Variants in CCDC192 observed in about 807,000 individuals in gnomAD.
The protein encoded by CCDC192 is coiled-coil domain-containing protein 192.
intron 3 of CCDC192, among the ~76,000 whole-genome samples, chr5:127,775,337 T>C (rs1167639951): frequency 1.3e-5 from 2 of 152,198 alleles, no homozygotes; most frequent in African/African-American, 4.8e-5. Context: ...AGCCCCTATG[T>C]TCCAGAGTTT....
At chr5:127,885,438 AC>A (rs1368229424) in intron 6 of CCDC192, among the ~76,000 whole-genome samples, 1 of 152,228 alleles carries the variant, frequency 6.6e-6, no homozygotes, top group African/African-American at 2.4e-5. Flanking sequence ...GGGGTTGCAA[AC>A]AATTGGCAGC....
At chr5:127,796,343 C>A (rs1017424748) in intron 3 of CCDC192, among the ~76,000 whole-genome samples, 2 of 152,110 alleles carry the variant, frequency 1.3e-5, no homozygotes. Flanking sequence ...TCAGAGAATG[C>A]CCTGGGAGTT....
At chr5:127,760,790 T>G (rs141845543) in intron 3 of CCDC192, among the ~76,000 whole-genome samples, 1 of 147,640 alleles carries the variant, frequency 6.8e-6, no homozygotes, top group East Asian at 2.0e-4. Flanking sequence ...TTTGCAGAGA[T>G]AATCTCAGCA....
chr5:127,884,722 CA>C (rs2127148754), intron 6 of CCDC192, among the ~76,000 whole-genome samples: 1 of 152,234 alleles, frequency 6.6e-6, no homozygotes, highest in African/African-American at 2.4e-5. Context: ...GGATAGAAGA[CA>C]AAATACACCT....
At chr5:127,830,233 T>C (rs1323172868) in intron 5 of CCDC192, among the ~76,000 whole-genome samples, 1 of 152,196 alleles carries the variant, frequency 6.6e-6, no homozygotes, top group Non-Finnish European at 1.5e-5. Flanking sequence ...GTCAAGAGTT[T>C]GGTAGATACA....
At chr5:127,800,169 C>A (rs1757403352) in intron 5 of CCDC192, among the ~76,000 whole-genome samples, 1 of 151,672 alleles carries the variant, frequency 6.6e-6, no homozygotes, top group Non-Finnish European at 1.5e-5. Flanking sequence ...CTATCTCCAA[C>A]CTCCTTTTCT....
At chr5:127,872,364 C>A (rs976019355) in intron 5 of CCDC192, among the ~76,000 whole-genome samples, 10 of 152,164 alleles carry the variant, frequency 6.6e-5, no homozygotes, top group Non-Finnish European at 1.3e-4. Context: ...GCTTTGTTAA[C>A]CTTCTTATCT....
intron 3 of CCDC192, among the ~76,000 whole-genome samples, chr5:127,757,122 G>T (rs920221247): frequency 1.3e-5 from 2 of 152,212 alleles, no homozygotes; most frequent in Admixed American, 6.5e-5. Flanking sequence ...GTAAGCCAGA[G>T]CTTCTCTACC....
At chr5:127,706,105 TA>T (rs1750942195) in intron 1 of CCDC192, among the ~76,000 whole-genome samples, 1 of 152,308 alleles carries the variant, frequency 6.6e-6, no homozygotes, top group East Asian at 1.9e-4. Context: ...TGAACATTTG[TA>T]AATGGTTTCA....
At chr5:127,786,702 A>G (rs969396089) in intron 3 of CCDC192, 5 of 747,788 alleles carry the variant, frequency 6.7e-6, no homozygotes, top group Non-Finnish European at 1.0e-5. Context: ...GTAGAATTTC[A>G]GTACACTCTT....
chr5:127,861,681 A>G lies in CCDC192; in HGVS notation c.412-13857A>G, dbSNP rs116356150. ...AAAAAAATTTTTTTTTATTCTTTTT[A>G]TTCTCTCTGTTCCACACCTCACTTT... On this transcript the variant is annotated intron_variant, in intron 5 of 6. Transcript: ENST00000514853. Among the ~76,000 whole-genome samples the G allele has an allele frequency of 4.4e-3, 668 of 152,164 alleles. 3 individuals are homozygous for G. Among genetic ancestry groups the G allele is most frequent in the African/African-American group, 0.015 (632 of 41,526 alleles).
At chr5:127,891,336 G>A (rs1752724934) in intron 6 of CCDC192, among the ~76,000 whole-genome samples, 1 of 152,204 alleles carries the variant, frequency 6.6e-6, no homozygotes, top group African/African-American at 2.4e-5. Context: ...TTACAGGTGT[G>A]CACCACTGTG....
At chr5:127,851,492 C>T (rs957481853) in intron 5 of CCDC192, among the ~76,000 whole-genome samples, 1 of 152,128 alleles carries the variant, frequency 6.6e-6, no homozygotes, top group Non-Finnish European at 1.5e-5. Flanking sequence ...GAGTCTCGCT[C>T]TGTCACCCAA....
intron 2 of CCDC192, among the ~76,000 whole-genome samples, chr5:127,750,940 T>G (rs1177770500): frequency 6.7e-6 from 1 of 149,676 alleles, no homozygotes; most frequent in African/African-American, 2.5e-5. Context: ...TTGCAACCCC[T>G]GCCTTTTTTT....
chr5:127,844,686 G>A (rs1381251698), intron 5 of CCDC192, among the ~76,000 whole-genome samples: 1 of 152,212 alleles, frequency 6.6e-6, no homozygotes, highest in East Asian at 1.9e-4. Flanking sequence ...GGACGCAGCA[G>A]GATGTGGATG....
intron 3 of CCDC192, among the ~76,000 whole-genome samples, chr5:127,759,604 T>C (rs761204393): frequency 6.6e-6 from 1 of 152,246 alleles, no homozygotes; most frequent in South Asian, 2.1e-4. Context: ...TATTTTGTTA[T>C]AGCAGCCCAA....
intron 5 of CCDC192, among the ~76,000 whole-genome samples, chr5:127,863,396 T>C (rs188733527): frequency 5.8e-4 from 88 of 152,346 alleles, no homozygotes; most frequent in Non-Finnish European, 9.4e-4. Flanking sequence ...TTAGAGAAGA[T>C]GCCTTGCTGG....
chr5:127,810,608 A>G (rs964504052), intron 5 of CCDC192, among the ~76,000 whole-genome samples: 1 of 152,214 alleles, frequency 6.6e-6, no homozygotes, highest in Non-Finnish European at 1.5e-5. Flanking sequence ...AATCATTTAT[A>G]AAAACAAAAG....
intron 3 of CCDC192, among the ~76,000 whole-genome samples, chr5:127,760,377 A>T (rs1211178684): frequency 2.0e-5 from 3 of 152,058 alleles, no homozygotes; most frequent in Non-Finnish European, 4.4e-5. Context: ...TGTAAGGAAG[A>T]TGCCTAATGA....
Sources: allele counts gnomAD v4.1 joint callset (sites outside exome capture counted in the v4.1 genomes callset), GRCh38; gene constraint gnomAD v4.1.1; transcripts MANE v1.5; gene names NCBI Gene and HGNC (gene_info 2026-07-23, HGNC 2026-07-21).